Variants in ERBB4 observed in about 807,000 individuals in gnomAD.
The protein encoded by ERBB4 is erb-b2 receptor tyrosine kinase 4.
A neutral mutation model predicts 158.0 loss-of-function variants in ERBB4; 42 were observed. That is an observed-to-expected ratio of 0.27 (90% confidence interval 0.21 to 0.34). ERBB4 has a LOEUF of 0.34. Ranked by LOEUF, ERBB4 falls within the 10% of genes least tolerant of loss-of-function variation. The pLI is 1.00. For missense variants in ERBB4, 1,333 were observed against 1,624.1 expected (o/e 0.82, Z 3.08); for synonymous variants, 583 against 558.7 (o/e 1.04, Z -0.61).
chr2:212,453,190 A>T (rs912320237), intron 1 of ERBB4, among the ~76,000 whole-genome samples: 4 of 152,230 alleles, frequency 2.6e-5, no homozygotes, highest in Admixed American at 2.6e-4. Flanking sequence ...TATCAAGCAT[A>T]TAACTCTATA....
intron 3 of ERBB4, among the ~76,000 whole-genome samples, chr2:211,938,373 A>G (rs1219942213): frequency 2.0e-5 from 3 of 152,112 alleles, no homozygotes; most frequent in Non-Finnish European, 2.9e-5. Context: ...GTGATTCTCC[A>G]CGTTATTGTG....
chr2:211,728,309 T>C lies in ERBB4; in HGVS notation c.623-3115A>G, dbSNP rs2074330134. On this transcript the variant is annotated intron_variant, in intron 5 of 27. Coordinates refer to ENST00000342788, the MANE Select transcript of ERBB4 (RefSeq NM_005235.3). ...TATGTTTGTAACTGTAACTGGCACT[T>C]ACATAGTTTTATTTATATTTGATAC... 2.0e-5 allele frequency among the ~76,000 whole-genome samples: 3 copies of C among 151,764 alleles called. No homozygotes were observed. In the South Asian group the frequency reaches 6.2e-4, roughly 31 times the overall value.
At chr2:211,633,858 A>G (rs1444317199) in intron 16 of ERBB4, among the ~76,000 whole-genome samples, 1 of 152,146 alleles carries the variant, frequency 6.6e-6, no homozygotes, top group African/African-American at 2.4e-5. Context: ...TCAAATATCC[A>G]GAATATGCAA....
rs542550212 is a variant in ERBB4, at chr2:212,110,721, T to C, written c.234+14031A>G. Among the ~76,000 whole-genome samples the C allele has an allele frequency of 5.8e-4, 89 of 152,354 alleles. 2 individuals carry two copies. The highest frequency in any genetic ancestry group is 2.0e-3 in the African/African-American group (82 of 41,590). ...GCTCTTCATCTTAATTCTAAATGCA[T>C]TGTAATTACAATCAGCAAACAAAAG... On this transcript the variant is annotated intron_variant, in intron 2 of 27. Transcript: ENST00000342788.
At chr2:211,799,606 A>G (rs182178789) in intron 3 of ERBB4, among the ~76,000 whole-genome samples, 46 of 152,296 alleles carry the variant, frequency 3.0e-4, no homozygotes, top group African/African-American at 1.0e-3. Flanking sequence ...ATTATCAAAA[A>G]GTATGAGATA....
At chr2:211,878,582 A>C (rs887506678) in intron 3 of ERBB4, among the ~76,000 whole-genome samples, 1 of 152,032 alleles carries the variant, frequency 6.6e-6, no homozygotes, top group Non-Finnish European at 1.5e-5. Context: ...TCAAGAAATA[A>C]TGAATATTTT....
At chr2:212,505,057 T>G (rs983781693) in intron 1 of ERBB4, among the ~76,000 whole-genome samples, 3 of 152,022 alleles carry the variant, frequency 2.0e-5, no homozygotes, top group Non-Finnish European at 2.9e-5. Flanking sequence ...ATACAACTGT[T>G]TGTTTCTTAC....
chr2:212,498,862 C>A (rs1447743396), intron 1 of ERBB4, among the ~76,000 whole-genome samples: 3 of 151,904 alleles, frequency 2.0e-5, no homozygotes, highest in Non-Finnish European at 2.9e-5. Flanking sequence ...CAGTACATCT[C>A]TAAACTAGCT....
At chr2:211,398,669 A>G (rs533631430) in intron 25 of ERBB4, among the ~76,000 whole-genome samples, 2 of 152,234 alleles carry the variant, frequency 1.3e-5, no homozygotes, top group South Asian at 4.1e-4. Flanking sequence ...CATCTCTACT[A>G]AAAATACAAA....
chr2:212,012,142 A>C (rs1413415644), intron 2 of ERBB4, among the ~76,000 whole-genome samples: 1 of 152,158 alleles, frequency 6.6e-6, no homozygotes, highest in Non-Finnish European at 1.5e-5. Context: ...TTACTACTCA[A>C]ATTGTCTTAT....
At position 212,325,184 on chromosome 2, in the gene ERBB4, C is replaced by T. The variant is rs539170757; in HGVS notation, c.83-200281G>A. Among the ~76,000 whole-genome samples the T allele has an allele frequency of 5.3e-5, 8 of 150,778 alleles. 2 individuals carry two copies. The South Asian group carries it at 1.7e-3, about 32-fold the overall frequency. ...ATGTTTATCATTCTTAATATACTTT[C>T]TCCTGTTTAATCTCTTATAAACCTT... On this transcript the variant is annotated intron_variant, in intron 1 of 27. Coordinates refer to ENST00000342788, the MANE Select transcript of ERBB4 (RefSeq NM_005235.3).
At chr2:211,965,058 A>AGG (rs2081275280) in intron 2 of ERBB4, among the ~76,000 whole-genome samples, 1 of 152,192 alleles carries the variant, frequency 6.6e-6, no homozygotes, top group African/African-American at 2.4e-5. Context: ...GCACAAACAC[A>AGG]AGGCCTTTGT....
At chr2:212,017,086 A>T (rs1158290515) in intron 2 of ERBB4, among the ~76,000 whole-genome samples, 1 of 152,176 alleles carries the variant, frequency 6.6e-6, no homozygotes, top group Non-Finnish European at 1.5e-5. Flanking sequence ...GAGCACACAC[A>T]AGTATAACAA....
intron 14 of ERBB4, among the ~76,000 whole-genome samples, chr2:211,671,865 TGTTA>T (rs1385315136): frequency 1.3e-5 from 2 of 152,176 alleles, no homozygotes; most frequent in South Asian, 2.1e-4. Flanking sequence ...TTTCTCACAC[TGTTA>T]GTTAATTGTA....
chr2:212,236,294 C>T (rs1314925779), intron 1 of ERBB4, among the ~76,000 whole-genome samples: 1 of 152,164 alleles, frequency 6.6e-6, no homozygotes, highest in Admixed American at 6.5e-5. Context: ...GTTGAACCAG[C>T]CTTGCATCCC....
intron 2 of ERBB4, among the ~76,000 whole-genome samples, chr2:212,055,358 T>G (rs768143519): frequency 3.3e-5 from 5 of 152,270 alleles, no homozygotes; most frequent in Admixed American, 6.5e-5. Context: ...TTCTGTAGAC[T>G]CCACCTCTGG....
At position 211,606,730 on chromosome 2, in the gene ERBB4, T is replaced by C. The variant is rs148640196; in HGVS notation, c.2301+12447A>G. Among the ~76,000 whole-genome samples the C allele has an allele frequency of 3.8e-3, 578 of 152,266 alleles. 2 individuals carry two copies. Among genetic ancestry groups the C allele is most frequent in the Non-Finnish European group, 6.1e-3 (414 of 68,002 alleles). On this transcript the variant is annotated intron_variant, in intron 19 of 27. Coordinates refer to ENST00000342788, the MANE Select transcript of ERBB4 (RefSeq NM_005235.3). ...CATTATATGAAAAACTAAAGAATAT[T>C]GTATTTTGAAGCGCCGTTCTGCAAA... is the stretch of plus-strand genomic sequence containing the variant.
At chr2:212,330,072 T>C (rs938684814) in intron 1 of ERBB4, among the ~76,000 whole-genome samples, 22 of 152,014 alleles carry the variant, frequency 1.4e-4, no homozygotes, top group Admixed American at 1.4e-3. Context: ...GAAAACAAAC[T>C]GAAAGACAAA....
chr2:211,721,839 T>C (rs1297187110), intron 7 of ERBB4, among the ~76,000 whole-genome samples: 2 of 152,068 alleles, frequency 1.3e-5, no homozygotes, highest in African/African-American at 4.8e-5. Flanking sequence ...TACTGTGGTA[T>C]AGTAAAAACA....
Sources: allele counts gnomAD v4.1 joint callset (sites outside exome capture counted in the v4.1 genomes callset), GRCh38; gene constraint gnomAD v4.1.1; transcripts MANE v1.5; gene names NCBI Gene and HGNC (gene_info 2026-07-23, HGNC 2026-07-21).